The following GRAMD4 variants were observed in gnomAD, a reference collection of about 807,000 sequenced individuals.
The protein encoded by GRAMD4 is GRAM domain containing 4.
In GRAMD4, 25 loss-of-function variants were observed where a neutral mutation model predicts 83.9. The ratio of observed to expected loss-of-function variants is 0.30; its 90% CI spans 0.22 to 0.42. The LOEUF (loss-of-function observed/expected upper bound fraction) is 0.42. GRAMD4 is among the 10% of genes least tolerant of loss of function. The pLI, the probability that GRAMD4 is intolerant of heterozygous loss-of-function variation, is 1.00. For missense variants in GRAMD4, 593 were observed against 788.7 expected (o/e 0.75, Z 2.97); for synonymous variants, 336 against 320.9 (o/e 1.05, Z -0.50).
At chr22:46,651,046 C>T (rs560235530) in intron 3 of GRAMD4, among the ~76,000 whole-genome samples, 84 of 152,332 alleles carry the variant, frequency 5.5e-4, no homozygotes, top group African/African-American at 1.9e-3. Flanking sequence ...GGGTGGCCAT[C>T]CTGGTTTCCC....
chr22:46,637,256 CTTT>C (rs10644251), intron 2 of GRAMD4, among the ~76,000 whole-genome samples: 1 of 143,122 alleles, frequency 7.0e-6, no homozygotes. Context: ...ATCCAGTTCC[CTTT>C]TTTTTTTTTT....
chr22:46,656,796 T>A (rs3859892), intron 3 of GRAMD4, among the ~76,000 whole-genome samples: 14 of 152,086 alleles, frequency 9.2e-5, no homozygotes, highest in Non-Finnish European at 5.9e-5. Flanking sequence ...CAGCAAACGC[T>A]CTTCTCCTGC....
chr22:46,590,789 A>G (rs1237992829), intron 1 of GRAMD4, among the ~76,000 whole-genome samples: 4 of 152,230 alleles, frequency 2.6e-5, no homozygotes, highest in African/African-American at 9.6e-5. Context: ...GGCCGGGCAC[A>G]CTGGCTCATG....
chr22:46,662,273 G>A (rs34543603), intron 5 of GRAMD4, among the ~76,000 whole-genome samples: 13,642 of 152,224 alleles, frequency 0.09, 802 homozygotes, highest in South Asian at 0.16. Context: ...TGGCTCTTGA[G>A]CCTCTGCCCT....
chr22:46,658,768 C>T (rs2082283109), intron 4 of GRAMD4, among the ~76,000 whole-genome samples: 1 of 151,934 alleles, frequency 6.6e-6, no homozygotes, highest in Admixed American at 6.5e-5. Context: ...GTGCGTGTTC[C>T]CATGCCCCCT....
chr22:46,613,467 G>A (rs749716387), intron 1 of GRAMD4, among the ~76,000 whole-genome samples: 4 of 152,254 alleles, frequency 2.6e-5, no homozygotes, highest in Middle Eastern at 3.2e-3. Flanking sequence ...CCCTAGCCCC[G>A]CACAGGCGAG....
intron 3 of GRAMD4, among the ~76,000 whole-genome samples, chr22:46,644,522 C>CGTGTTACACCTGTCCCTGTTCT (rs1475534640): frequency 6.6e-6 from 1 of 151,496 alleles, no homozygotes; most frequent in African/African-American, 2.4e-5. Flanking sequence ...GCCCCTGTTC[C>CGTGTTACACCTGTCCCTGTTCT]GTGTTACACC....
chr22:46,630,046 A>G (rs190068568), intron 2 of GRAMD4, among the ~76,000 whole-genome samples: 2 of 150,432 alleles, frequency 1.3e-5, no homozygotes, highest in East Asian at 3.9e-4. Context: ...TTTTTTTGAG[A>G]CAGAGTCTCA....
At chr22:46,577,277 G>A in exon 1 of GRAMD4, 2 of 979,670 alleles carry the variant, frequency 2.0e-6, no homozygotes, top group Non-Finnish European at 2.4e-6. Flanking sequence ...AGTTGGCCCC[G>A]ATATCCGCTC....
Position 46,624,070 on chromosome 22 carries a change from C to T in GRAMD4, c.-49-2681C>T, listed in dbSNP as rs1601582882. On this transcript the variant is annotated intron_variant, in intron 1 of 18. Transcript: ENST00000406902. ...ATGCTGGGATTACAGGTGCCAGCCA[C>T]CGCACCTGGCCTAGTCAAGTTGTCT... 3.9e-5 allele frequency among the ~76,000 whole-genome samples: 6 copies of T among 152,262 alleles called. No individual in the cohort carries two copies. In the South Asian group the frequency reaches 1.2e-3, roughly 32 times the overall value.
At chr22:46,682,732 C>T (rs2082676968), downstream of GRAMD4, among the ~76,000 whole-genome samples, 1 of 152,352 alleles carries the variant, frequency 6.6e-6, no homozygotes, top group East Asian at 1.9e-4. Context: ...CTTGCTGTTC[C>T]TGAATAAACT....
chr22:46,611,059 A>G (rs1257418751), intron 1 of GRAMD4, among the ~76,000 whole-genome samples: 1 of 151,954 alleles, frequency 6.6e-6, no homozygotes, highest in Non-Finnish European at 1.5e-5. Context: ...TACTAAAAAT[A>G]CAAAGAATTA....
At chr22:46,608,200 T>A (rs930087310) in intron 1 of GRAMD4, among the ~76,000 whole-genome samples, 7 of 152,208 alleles carry the variant, frequency 4.6e-5, no homozygotes, top group African/African-American at 1.7e-4. Context: ...TTAGCAAGCC[T>A]GTCCAGCCTG....
intron 3 of GRAMD4, among the ~76,000 whole-genome samples, chr22:46,645,903 C>T (rs780995138): frequency 3.9e-5 from 6 of 152,250 alleles, no homozygotes; most frequent in South Asian, 2.1e-4. Context: ...ACCTGCTGCG[C>T]GCAGGCTCTG....
chr22:46,588,762 C>A (rs1001437888), intron 1 of GRAMD4, among the ~76,000 whole-genome samples: 7 of 152,180 alleles, frequency 4.6e-5, no homozygotes, highest in African/African-American at 1.7e-4. Flanking sequence ...TGACACAGGT[C>A]TCAGGAGGGC....
intron 13 of GRAMD4, among the ~76,000 whole-genome samples, chr22:46,671,572 C>T (rs1428060241): frequency 1.3e-5 from 2 of 151,616 alleles, no homozygotes; most frequent in East Asian, 1.9e-4. Flanking sequence ...AGGAGAATGG[C>T]GTGAACCCGG....
At chr22:46,681,838 A>G (rs1486461669), downstream of GRAMD4, among the ~76,000 whole-genome samples, 2 of 152,210 alleles carry the variant, frequency 1.3e-5, no homozygotes, top group African/African-American at 4.8e-5. Flanking sequence ...AAAGTGAGTG[A>G]CGCTGGGAAC....
chr22:46,633,616 G>A (rs1378570966), intron 2 of GRAMD4, among the ~76,000 whole-genome samples: 2 of 152,244 alleles, frequency 1.3e-5, no homozygotes, highest in African/African-American at 4.8e-5. Context: ...CTGCCAACGG[G>A]AGTCCCCAGC....
In GRAMD4 at chr22:46,678,931, G is replaced by A; in HGVS notation, c.*1680G>A. On this transcript the variant is annotated 3_prime_UTR_variant, in exon 19 of 19. Transcript: ENST00000406902. ...TGGACTGCGCGGACGTTGGCGTCAG[G>A]ATGACCACACGGCGGCCTTTCCCGA... 3.0e-6 allele frequency: 3 copies of A among 985,862 alleles called. No individual in the cohort carries two copies. The highest frequency in any genetic ancestry group is 3.6e-6 in the Non-Finnish European group (3 of 830,010). 61.1% of individuals were successfully genotyped at this position (985,862 alleles called of 1,614,324 possible).
Sources: allele counts gnomAD v4.1 joint callset (sites outside exome capture counted in the v4.1 genomes callset), GRCh38; gene constraint gnomAD v4.1.1; transcripts MANE v1.5; gene names NCBI Gene and HGNC (gene_info 2026-07-23, HGNC 2026-07-21).